The following RELN variants were observed in gnomAD, a reference collection of about 807,000 sequenced individuals.
RELN encodes the protein reelin.
In RELN, 108 loss-of-function variants were observed where a neutral mutation model predicts 427.6. The ratio of observed to expected loss-of-function variants is 0.25; its 90% CI spans 0.22 to 0.30. RELN has a LOEUF of 0.30. RELN is among the 10% of genes least tolerant of loss of function. The pLI, the probability that RELN is intolerant of heterozygous loss-of-function variation, is 1.00. For missense variants in RELN, 3,715 were observed against 4,302.8 expected (o/e 0.86, Z 3.82); for synonymous variants, 1,524 against 1,513.4 (o/e 1.01, Z -0.16).
rs1411938708 is a variant in RELN, at chr7:103,610,827, A to C, written c.2896-20T>G. On this transcript the variant is annotated intron_variant, in intron 21 of 64. Transcript: ENST00000428762. ...GCATTCCTGAAAGAAAGTTAGGCAC[A>C]AATCAAACCCAGCTTCTGTTTTCCT... The C allele has an allele frequency of 7.2e-7, 1 of 1,394,318 alleles. No individual in the cohort carries two copies. The highest frequency in any genetic ancestry group is 1.0e-6 in the Non-Finnish European group (1 of 979,924). 86.4% of individuals were successfully genotyped at this position (1,394,318 alleles called of 1,614,324 possible).
intron 3 of RELN, among the ~76,000 whole-genome samples, chr7:103,822,104 GTTATC>G (rs1793029396): frequency 1.3e-5 from 2 of 151,864 alleles, no homozygotes; most frequent in African/African-American, 2.4e-5. Flanking sequence ...TGTTAAATAG[GTTATC>G]TTATAATTCC....
intron 1 of RELN, among the ~76,000 whole-genome samples, chr7:103,960,337 T>C (rs1796523721): frequency 6.6e-6 from 1 of 152,216 alleles, no homozygotes; most frequent in South Asian, 2.1e-4. Context: ...AAACTCTTGC[T>C]CTAGTGAGCT....
intron 3 of RELN, among the ~76,000 whole-genome samples, chr7:103,797,908 T>C (rs1792348804): frequency 6.6e-6 from 1 of 152,228 alleles, no homozygotes; most frequent in African/African-American, 2.4e-5. Context: ...CCTCAATCAC[T>C]ACATCTGACA....
chr7:103,636,729 C>T (rs1291172560), intron 17 of RELN, among the ~76,000 whole-genome samples: 1 of 152,162 alleles, frequency 6.6e-6, no homozygotes, highest in Non-Finnish European at 1.5e-5. Flanking sequence ...ATCTAAAATA[C>T]ATCTATGTTC....
At chr7:103,686,800 T>C (rs1297317385) in intron 10 of RELN, among the ~76,000 whole-genome samples, 3 of 152,176 alleles carry the variant, frequency 2.0e-5, no homozygotes, top group African/African-American at 7.2e-5. Context: ...GGTATAGACT[T>C]TCATGCTATA....
At chr7:103,661,720 A>C (rs1282295077) in intron 11 of RELN, among the ~76,000 whole-genome samples, 193 bp from the exon 12 acceptor site, 1 of 152,222 alleles carries the variant, frequency 6.6e-6, no homozygotes, top group Admixed American at 6.5e-5. Context: ...CACTTTAAAC[A>C]CATTACATTC....
At chr7:103,785,784 T>C (rs1791999464) in intron 3 of RELN, among the ~76,000 whole-genome samples, 1 of 152,082 alleles carries the variant, frequency 6.6e-6, no homozygotes, top group Non-Finnish European at 1.5e-5. Flanking sequence ...TGTGAAAATA[T>C]TGTGGAAAAT....
intron 49 of RELN, among the ~76,000 whole-genome samples, chr7:103,515,707 G>A (rs998755502): frequency 1.3e-5 from 2 of 152,218 alleles, no homozygotes; most frequent in African/African-American, 4.8e-5. Flanking sequence ...AGGCTTTAGA[G>A]GGACTGCACA....
At chr7:103,808,180 C>T (rs1792646665) in intron 3 of RELN, among the ~76,000 whole-genome samples, 1 of 148,422 alleles carries the variant, frequency 6.7e-6, no homozygotes, top group South Asian at 2.2e-4. Context: ...TCAGAGCAAC[C>T]AACAATAAAG....
At chr7:103,604,522 C>T (rs780045506) in intron 22 of RELN, 39 bp from the exon 23 acceptor site, 3 of 1,611,568 alleles carry the variant, frequency 1.9e-6, no homozygotes, top group Non-Finnish European at 2.5e-6. Context: ...CGGTTTCAAC[C>T]TTTCAGCAGT....
intron 3 of RELN, among the ~76,000 whole-genome samples, chr7:103,801,820 A>G (rs1792476238): frequency 6.6e-6 from 1 of 152,202 alleles, no homozygotes; most frequent in Admixed American, 6.5e-5. Flanking sequence ...TATCCACACA[A>G]AACACTTATC....
At chr7:103,886,873 C>T (rs533188756) in intron 2 of RELN, among the ~76,000 whole-genome samples, 12 of 152,026 alleles carry the variant, frequency 7.9e-5, no homozygotes, top group African/African-American at 2.9e-4. Context: ...TTGCTAGCAA[C>T]CTAGTAAAGA....
intron 36 of RELN, among the ~76,000 whole-genome samples, chr7:103,560,870 A>T (rs1830626548): frequency 6.6e-6 from 1 of 152,222 alleles, no homozygotes; most frequent in African/African-American, 2.4e-5. Flanking sequence ...GTTAGATGTT[A>T]ATCATTAGGG....
chr7:103,683,964 T>A (rs1833708491), intron 10 of RELN, among the ~76,000 whole-genome samples: 1 of 152,170 alleles, frequency 6.6e-6, no homozygotes, highest in Middle Eastern at 3.2e-3. Flanking sequence ...GATCAAGATA[T>A]GATTTCTACC....
At chr7:103,892,022 A>G (rs759731319) in intron 2 of RELN, among the ~76,000 whole-genome samples, 21 of 152,334 alleles carry the variant, frequency 1.4e-4, no homozygotes, top group East Asian at 3.9e-4. Flanking sequence ...CAACTGTCCC[A>G]TCTAGAACTG....
At chr7:103,826,607 C>T (rs1793147214) in intron 3 of RELN, among the ~76,000 whole-genome samples, 1 of 152,012 alleles carries the variant, frequency 6.6e-6, no homozygotes, top group South Asian at 2.1e-4. Flanking sequence ...ACGTCTTTGT[C>T]ATCACTGTTT....
intron 4 of RELN, among the ~76,000 whole-genome samples, chr7:103,773,186 C>CTTTCTCT (rs1791630817): frequency 7.4e-6 from 1 of 134,528 alleles, no homozygotes; most frequent in African/African-American, 2.8e-5. Context: ...TTCCTTCTTT[C>CTTTCTCT]TTTTCTTTCT....
intron 17 of RELN, among the ~76,000 whole-genome samples, chr7:103,639,556 C>T (rs924202551): frequency 3.3e-5 from 5 of 151,818 alleles, no homozygotes; most frequent in East Asian, 1.9e-4. Flanking sequence ...CACGCCACCA[C>T]GCCCGGCTAA....
At chr7:103,766,467 C>T (rs1791426883) in intron 4 of RELN, among the ~76,000 whole-genome samples, 1 of 152,262 alleles carries the variant, frequency 6.6e-6, no homozygotes, top group Non-Finnish European at 1.5e-5. Context: ...GTAATATAAG[C>T]TGTTGAATAA....
Sources: gnomAD v4.1 joint callset for allele counts (sites outside exome capture counted in the v4.1 genomes callset) on GRCh38, gnomAD v4.1.1 for gene constraint, MANE v1.5 for transcripts, NCBI Gene and HGNC (gene_info 2026-07-23, HGNC 2026-07-21) for gene names.